The following COL5A1 variants were observed in gnomAD, a reference collection of about 807,000 sequenced individuals.
COL5A1 encodes collagen alpha-1(V) chain.
COL5A1 carries 16 observed loss-of-function variants against 263.7 expected under a neutral mutation model. The ratio of observed to expected loss-of-function variants is 0.06; its 90% CI spans 0.04 to 0.09. The LOEUF (loss-of-function observed/expected upper bound fraction) is 0.09. Among genes scored for constraint, COL5A1 ranks in the 10% least tolerant of loss-of-function variants. COL5A1 has a pLI of 1.00. For synonymous variants in COL5A1, 1,012 were observed against 1,004.5 expected (o/e 1.01, Z -0.14); for missense variants, 2,036 against 2,540.5 (o/e 0.80, Z 4.27).
At chr9:134,773,220 G>T (rs1836926824) in intron 26 of COL5A1, among the ~76,000 whole-genome samples, 1 of 152,228 alleles carries the variant, frequency 6.6e-6, no homozygotes, top group African/African-American at 2.4e-5. Context: ...GACCTACCAG[G>T]TCACGCCGGT....
intron 1 of COL5A1, among the ~76,000 whole-genome samples, chr9:134,658,433 C>A (rs1832091448): frequency 6.6e-6 from 1 of 152,198 alleles, no homozygotes; most frequent in Admixed American, 6.5e-5. Flanking sequence ...GCAGCCCAAG[C>A]CAAGCCTGCA....
rs752746395 is a variant in COL5A1, at chr9:134,731,539, A to C, written c.1208A>C (p.Glu403Ala). ...GAAGGTGCGGATGACTTGGAGGGGG[A>C]GTTCACTGAGGAAACGATCCGGAAC... ...PGEGADDLEG[E>A]FTEETIRNLD... Residue 403 changes from glutamate to alanine, a missense_variant, in exon 8 of 66, where the codon GAG (glutamate) becomes GCG (alanine). Around this residue, in one of 3 missense-constraint regions of COL5A1, gnomAD observed 600 missense variants for 634.5 expected, o/e 0.95. Coordinates refer to ENST00000371817, the MANE Select transcript of COL5A1 (RefSeq NM_000093.5). 2 of 1,614,088 alleles carry C rather than the reference A, an allele frequency of 1.2e-6. No homozygotes were observed.
intron 64 of COL5A1, among the ~76,000 whole-genome samples, chr9:134,834,006 G>C (rs28560454): frequency 0.081 from 12,297 of 152,158 alleles, 1,385 homozygotes; most frequent in African/African-American, 0.25. Context: ...AAGGACAGCA[G>C]TGGGGGCACC....
At chr9:134,722,498 C>T (rs772866669) in intron 4 of COL5A1, among the ~76,000 whole-genome samples, 27 of 152,330 alleles carry the variant, frequency 1.8e-4, no homozygotes, top group Non-Finnish European at 3.2e-4. Flanking sequence ...TTGTGCCGGA[C>T]ACGCCCATGA....
At chr9:134,708,126 CT>C (rs145862895) in intron 4 of COL5A1, among the ~76,000 whole-genome samples, 2,885 of 152,296 alleles carry the variant, frequency 0.019, 50 homozygotes, top group Middle Eastern at 0.041. Context: ...GCCTTGGAAG[CT>C]GCCCAGAGGG....
At position 134,814,035 on chromosome 9, in the gene COL5A1, C is replaced by A; in HGVS notation, c.3905C>A (p.Pro1302Gln). Reference sequence around the variant, plus strand: ...GGCCTTCCGGGAGAAGGCGGCCCCCCGGTGAGTGAGCGGGCGCTGCGGGAG... The same window carrying A: ...GGCCTTCCGGGAGAAGGCGGCCCCCAGGTGAGTGAGCGGGCGCTGCGGGAG... ...EPGLPGEGGP[P>Q]GPKGERGEKG... Residue 1302 changes from proline to glutamine, a missense_variant and splice_region_variant, in exon 49 of 66, where the codon CCG becomes CAG. Coordinates refer to ENST00000371817, the MANE Select transcript of COL5A1 (RefSeq NM_000093.5). 1 of 1,550,726 alleles carries A rather than the reference C, an allele frequency of 6.4e-7. No individual in the cohort carries two copies. Among genetic ancestry groups the A allele is most frequent in the South Asian group, 1.2e-5 (1 of 84,056 alleles).
At chr9:134,721,546 G>T (rs1834456333) in intron 4 of COL5A1, among the ~76,000 whole-genome samples, 4 of 152,170 alleles carry the variant, frequency 2.6e-5, no homozygotes, top group Admixed American at 2.6e-4. Context: ...GCAGGAATCA[G>T]GTGGCCCCAG....
intron 63 of COL5A1, among the ~76,000 whole-genome samples, chr9:134,826,392 G>A (rs111691291): frequency 0.016 from 2,402 of 152,328 alleles, 58 homozygotes; most frequent in African/African-American, 0.054. Context: ...GTTTAGTGAA[G>A]AATTCGGGGT....
intron 64 of COL5A1, 74 bp downstream of exon 64, chr9:134,830,118 C>T: frequency 6.2e-7 from 1 of 1,612,778 alleles, no homozygotes; most frequent in Non-Finnish European, 8.5e-7. Flanking sequence ...AGTAAAATGG[C>T]CCGCTGGCCC....
At chr9:134,811,671 CCTCTT>C in intron 46 of COL5A1, 72 bp downstream of exon 46, 1 of 1,275,698 alleles carries the variant, frequency 7.8e-7, no homozygotes. Flanking sequence ...TGTGCTCTCT[CCTCTT>C]GTCTTTTTAA....
rs1337529472 is a variant in COL5A1, at chr9:134,700,102, C to T, written c.471C>T (p.Gly157=). The T allele has an allele frequency of 1.2e-6, 2 of 1,607,348 alleles. No homozygotes were observed. Among genetic ancestry groups the T allele is most frequent in the Non-Finnish European group, 1.7e-6 (2 of 1,179,974 alleles). Residue 157 remains glycine, a synonymous_variant, in exon 3 of 66, where the codon GGC becomes GGT. Transcript: ENST00000371817. The surrounding 1 kb of genome is among the most constrained non-coding windows in gnomAD (Gnocchi z 4.0). The stretch of plus-strand genomic sequence containing the variant: ...CGGAAGACTACCCCCTCTTCCGGGG[C>T]ATCAACCTGTCAGATGGCAAGTAAG... The part of the protein sequence containing the change: ...PGPEDYPLFR[G]INLSDGKWHR...
Position 134,811,342 on chromosome 9 carries a change from C to T in COL5A1, c.3532C>T (p.Pro1178Ser). The T allele has an allele frequency of 6.2e-7, 1 of 1,614,124 alleles. No homozygotes were observed. The highest frequency in any genetic ancestry group is 8.5e-7 in the Non-Finnish European group (1 of 1,179,984). Residue 1178 changes from proline to serine, a missense_variant, in exon 45 of 66, where the codon CCT becomes TCT. Physicochemically the swap from Pro to Ser is moderately conservative, Grantham distance 74 (BLOSUM62 -1). Around this residue, in one of 3 missense-constraint regions of COL5A1, gnomAD observed 1,078 missense variants for 1,521.4 expected, o/e 0.71. Transcript: ENST00000371817. ...GSKGDKGEQGPPGPTGPQGPI... is the reference protein window; with the variant it reads ...GSKGDKGEQGSPGPTGPQGPI... Reference sequence around the variant, plus strand: ...GTCTCTGTCTTGTTCCCCGCAGGGTCCTCCTGGGCCTACAGGTCCTCAAGG... The same window carrying T: ...GTCTCTGTCTTGTTCCCCGCAGGGTTCTCCTGGGCCTACAGGTCCTCAAGG...
At chr9:134,815,527 C>T (rs752024352) in intron 50 of COL5A1, 49 bp from the exon 51 acceptor site, 1 of 1,588,436 alleles carries the variant, frequency 6.3e-7, no homozygotes, top group Non-Finnish European at 8.6e-7. Context: ...TGTGTGGTCT[C>T]AGTCAGGTTG....
intron 1 of COL5A1, among the ~76,000 whole-genome samples, chr9:134,663,543 C>A (rs919385217): frequency 6.6e-5 from 10 of 152,146 alleles, no homozygotes; most frequent in African/African-American, 2.2e-4. Context: ...TCTTTAATAT[C>A]TATTTTTAAT....
chr9:134,841,773 G>A lies in COL5A1; in HGVS notation c.5371-384G>A, dbSNP rs1031242352. Among the ~76,000 whole-genome samples the A allele has an allele frequency of 4.6e-5, 7 of 152,094 alleles. No homozygotes were observed. The highest frequency in any genetic ancestry group is 2.9e-5 in the Non-Finnish European group (2 of 68,008). On this transcript the variant is annotated intron_variant, in intron 65 of 65. Transcript: ENST00000371817. The surrounding 1 kb of genome is among the most constrained non-coding windows in gnomAD (Gnocchi z 4.8). ...CCCTGCTTGTTCTGTAGCTGGCCCTGGGTCCTGGGGAGGCTGCCTGGAAGT... is the reference window on the plus strand; with the variant it reads ...CCCTGCTTGTTCTGTAGCTGGCCCTAGGTCCTGGGGAGGCTGCCTGGAAGT...
intron 61 of COL5A1, 33 bp downstream of exon 61, chr9:134,823,502 G>T: frequency 1.9e-6 from 3 of 1,610,298 alleles, no homozygotes; most frequent in Non-Finnish European, 2.5e-6. Flanking sequence ...AAAGCGGGAC[G>T]GGGGCTCTGG....
At chr9:134,823,777 G>A (rs910601398) in intron 61 of COL5A1, among the ~76,000 whole-genome samples, 3 of 152,192 alleles carry the variant, frequency 2.0e-5, no homozygotes, top group East Asian at 1.9e-4. Context: ...GACTGGGCAC[G>A]TGTGTGTGCA....
At chr9:134,802,485 G>T (rs1027441419) in intron 38 of COL5A1, among the ~76,000 whole-genome samples, 3 of 152,224 alleles carry the variant, frequency 2.0e-5, no homozygotes, top group Non-Finnish European at 4.4e-5. Context: ...ACCTCATGTA[G>T]CGGTGAGTAA....
intron 11 of COL5A1, among the ~76,000 whole-genome samples, chr9:134,744,992 G>A (rs1320084392): frequency 6.6e-6 from 1 of 152,230 alleles, no homozygotes; most frequent in Non-Finnish European, 1.5e-5. Flanking sequence ...CTTCCATGGA[G>A]GCTGGTCTGC....
Sources: allele counts gnomAD v4.1 joint callset (sites outside exome capture counted in the v4.1 genomes callset), GRCh38; gene constraint gnomAD v4.1.1; regional missense constraint gnomAD v4.1.1; non-coding constraint Gnocchi (gnomAD v3.1); transcripts MANE v1.5; gene names NCBI Gene and HGNC (gene_info 2026-07-23, HGNC 2026-07-21).